BRCA2: variants seen among roughly 807,000 people sequenced by gnomAD.
BRCA2 encodes the protein breast cancer type 2 susceptibility protein.
BRCA2 carries 203 observed loss-of-function variants against 276.7 expected under a neutral mutation model. The observed-to-expected ratio is 0.73, with a 90% confidence interval of 0.65 to 0.82. The LOEUF (loss-of-function observed/expected upper bound fraction) is 0.82, where lower values mean the gene tolerates loss of function less well. BRCA2 is among the 40% of genes least tolerant of loss of function. BRCA2 has a pLI of 0.00. For synonymous variants in BRCA2, 1,289 were observed against 1,338.4 expected, an observed-to-expected ratio of 0.96 and a Z score of 0.81; for missense variants, 3,920 against 3,915.0, an observed-to-expected ratio of 1.00 and a Z score of -0.03.
chr13:32,336,857 G>A lies in BRCA2; in HGVS notation c.2502G>A (p.Leu834=), dbSNP rs1064794947. The change falls in exon 11 of 27, where the codon TTG becomes TTA. Residue 834 remains leucine, a synonymous_variant. Transcript: ENST00000380152. ...LNENYKNVEL[L]PPEKYMRVAS... is the part of the protein sequence containing the mutation. ...AAAATTATAAAAACGTTGAGCTGTT[G>A]CCACCTGAAAAATACATGAGAGTAG... The A allele has an allele frequency of 2.5e-6, 4 of 1,609,636 alleles. No homozygotes were observed. The highest frequency in any genetic ancestry group is 3.4e-6 in the Non-Finnish European group (4 of 1,178,992).
At chr13:32,332,091 A>G (rs2072395685) in intron 9 of BRCA2, among the ~76,000 whole-genome samples, 181 bp from the exon 10 acceptor site, 1 of 152,210 alleles carries the variant, frequency 6.6e-6, no homozygotes. Context: ...TACTAGAAGA[A>G]CAGGAGAAGG....
chr13:32,365,553 G>C (rs1206329240), intron 18 of BRCA2, among the ~76,000 whole-genome samples: 1 of 151,664 alleles, frequency 6.6e-6, no homozygotes, highest in Non-Finnish European at 1.5e-5. Flanking sequence ...GCCAAATTTT[G>C]TATTTTTAGT....
chr13:32,377,709 T>C (rs1042126955), intron 21 of BRCA2, among the ~76,000 whole-genome samples: 4 of 152,172 alleles, frequency 2.6e-5, no homozygotes, highest in Admixed American at 6.5e-5. Flanking sequence ...TAATTTTATA[T>C]ATTAAACTAC....
At chr13:32,333,788 C>T (rs1022157676) in intron 10 of BRCA2, among the ~76,000 whole-genome samples, 1 of 152,044 alleles carries the variant, frequency 6.6e-6, no homozygotes, top group African/African-American at 2.4e-5. Context: ...CACCTCCTGA[C>T]AGACCCTAGT....
At chr13:32,387,186 A>G (rs2072966506) in intron 24 of BRCA2, among the ~76,000 whole-genome samples, 2 of 152,206 alleles carry the variant, frequency 1.3e-5, no homozygotes, top group Admixed American at 6.5e-5. Flanking sequence ...GAGGCAAGAG[A>G]CTGAAGGCAC....
At position 32,338,480 on chromosome 13, in the gene BRCA2, G is replaced by A. The variant is rs1256857369; in HGVS notation, c.4125G>A (p.Glu1375=). The change falls in exon 11 of 27, where the codon GAG becomes GAA. Residue 1375 remains glutamate (E), a synonymous_variant. Coordinates refer to ENST00000380152, the MANE Select transcript of BRCA2 (RefSeq NM_000059.4). ...CLKLSGQFMK[E]GNTQIKEDLS... ...AATTATCTGGCCAGTTTATGAAGGAGGGAAACACTCAGATTAAAGAAGATT... is the reference window on the plus strand; with the variant it reads ...AATTATCTGGCCAGTTTATGAAGGAAGGAAACACTCAGATTAAAGAAGATT... 1 of 1,610,082 alleles carries A rather than the reference G, an allele frequency of 6.2e-7. No homozygotes were observed. The highest frequency in any genetic ancestry group is 8.5e-7 in the Non-Finnish European group (1 of 1,178,990).
At chr13:32,371,313 T>C (rs1166882943) in intron 20 of BRCA2, among the ~76,000 whole-genome samples, 1 of 152,168 alleles carries the variant, frequency 6.6e-6, no homozygotes, top group Non-Finnish European at 1.5e-5. Context: ...GTAATATTTT[T>C]CCTGAATTCT....
chr13:32,358,044 T>A, intron 16 of BRCA2, 115 bp downstream of exon 16: 2 of 1,133,840 alleles, frequency 1.8e-6, no homozygotes, highest in Non-Finnish European at 2.6e-6. Context: ...TTTATGCATT[T>A]AATTGTTTTA....
At chr13:32,380,440 C>T (rs2072916603) in intron 24 of BRCA2, among the ~76,000 whole-genome samples, 1 of 151,626 alleles carries the variant, frequency 6.6e-6, no homozygotes, top group African/African-American at 2.4e-5. Flanking sequence ...TGTGTTTATC[C>T]CATTGTGATG....
At chr13:32,370,203 T>C (rs2072817209) in intron 18 of BRCA2, among the ~76,000 whole-genome samples, 199 bp from the exon 19 acceptor site, 1 of 152,200 alleles carries the variant, frequency 6.6e-6, no homozygotes, top group Non-Finnish European at 1.5e-5. Context: ...AAACAATATG[T>C]TTGAGAAGTA....
At chr13:32,315,337 C>T (rs1347786660), upstream of BRCA2, 1 of 152,326 alleles carries the variant, frequency 6.6e-6, no homozygotes, top group African/African-American at 2.4e-5. Context: ...TTTATTCGGT[C>T]AGATACTGAC....
chr13:32,333,247 T>G lies in BRCA2; in HGVS notation c.1769T>G (p.Phe590Cys), dbSNP rs80358459. The G allele has an allele frequency of 6.2e-6, 10 of 1,611,694 alleles. No homozygotes were observed. The highest frequency in any genetic ancestry group is 7.6e-6 in the Non-Finnish European group (9 of 1,178,762). ...ISTLKKKTNK[F>C]IYAIHDETSY... ...ACTTTGAAAAAGAAAACAAATAAGT[T>G]TATTTATGCTATACATGATGAAACA... The change falls in exon 10 of 27, where the codon TTT becomes TGT. Residue 590 changes from phenylalanine (F) to cysteine (C), a missense_variant. Physicochemically the swap from Phe to Cys is radical, Grantham distance 205. Coordinates refer to ENST00000380152, the MANE Select transcript of BRCA2 (RefSeq NM_000059.4).
At chr13:32,387,688 G>A (rs376708372) in intron 24 of BRCA2, among the ~76,000 whole-genome samples, 15 of 152,116 alleles carry the variant, frequency 9.9e-5, no homozygotes, top group Non-Finnish European at 1.5e-4. Flanking sequence ...TGCTTCTCCC[G>A]TACTCTTGGT....
intron 24 of BRCA2, among the ~76,000 whole-genome samples, chr13:32,390,580 A>G (rs953442895): frequency 3.9e-5 from 6 of 151,946 alleles, no homozygotes; most frequent in African/African-American, 1.5e-4. Flanking sequence ...CCCCCTCTTG[A>G]TGAATTTGTC....
chr13:32,326,383 C>T (rs754219537), intron 6 of BRCA2, 101 bp downstream of exon 6: 2 of 1,459,540 alleles, frequency 1.4e-6, no homozygotes, highest in South Asian at 2.3e-5. Context: ...ACCTAGCATT[C>T]TGCCTCATAC....
At chr13:32,394,365 G>A (rs912229373) in intron 24 of BRCA2, among the ~76,000 whole-genome samples, 2 of 152,206 alleles carry the variant, frequency 1.3e-5, no homozygotes, top group African/African-American at 4.8e-5. Context: ...AAAGGTAAAT[G>A]GATATGTGTC....
intron 3 of BRCA2, 41 bp downstream of exon 3, chr13:32,319,366 T>G: frequency 6.4e-7 from 1 of 1,553,522 alleles, no homozygotes; most frequent in Non-Finnish European, 8.8e-7. Flanking sequence ...AACTACAAAC[T>G]AGGAATTTAG....
chr13:32,335,637 A>C (rs2072442048), intron 10 of BRCA2, among the ~76,000 whole-genome samples: 1 of 152,052 alleles, frequency 6.6e-6, no homozygotes, highest in African/African-American at 2.4e-5. Context: ...AAATTTTTTC[A>C]ATTTTATTTT....
At chr13:32,380,198 C>CT in intron 24 of BRCA2, 53 bp downstream of exon 24, 1 of 1,538,224 alleles carries the variant, frequency 6.5e-7, no homozygotes, top group Non-Finnish European at 8.8e-7. Context: ...AAAACATTGT[C>CT]TTTTAAAATC....
Sources: gnomAD v4.1 joint callset for allele counts (sites outside exome capture counted in the v4.1 genomes callset) on GRCh38, gnomAD v4.1.1 for gene constraint, MANE v1.5 for transcripts, NCBI Gene and HGNC (gene_info 2026-07-23, HGNC 2026-07-21) for gene names.